ACBD5: variants seen among roughly 807,000 people sequenced by gnomAD.
ACBD5 encodes acyl-CoA-binding domain-containing protein 5.
In ACBD5, 40 loss-of-function variants were observed where a neutral mutation model predicts 71.8. The observed-to-expected ratio is 0.56, with a 90% CI of 0.43 to 0.72. ACBD5 has a LOEUF of 0.72. Ranked by LOEUF, ACBD5 falls within the 30% of genes least tolerant of loss-of-function variation. ACBD5 has a pLI of 0.00. For synonymous variants in ACBD5, 229 were observed against 218.6 expected (o/e 1.05, Z -0.42); for missense variants, 559 against 644.5 (o/e 0.87, Z 1.44).
intron 10 of ACBD5, among the ~76,000 whole-genome samples, 173 bp downstream of exon 10, chr10:27,208,073 C>A (rs1237459333): frequency 6.6e-6 from 1 of 152,104 alleles, no homozygotes; most frequent in Non-Finnish European, 1.5e-5. Context: ...TTATTTTAAG[C>A]AGTAATTAGT....
At chr10:27,235,318 CT>C in intron 2 of ACBD5, 106 bp from the exon 3 acceptor site, 1 of 1,324,912 alleles carries the variant, frequency 7.5e-7, no homozygotes, top group Non-Finnish European at 1.1e-6. Context: ...TGCATTAATA[CT>C]TTAGATAATG....
At chr10:27,228,219 CA>C (rs1409653282) in intron 4 of ACBD5, among the ~76,000 whole-genome samples, 1 of 140,130 alleles carries the variant, frequency 7.1e-6, no homozygotes, top group Non-Finnish European at 1.5e-5. Flanking sequence ...GCACATTATT[CA>C]AATGTTAGCT....
chr10:27,184,174 G>A (rs2058496445), intron 13 of ACBD5, among the ~76,000 whole-genome samples: 1 of 152,182 alleles, frequency 6.6e-6, no homozygotes, highest in Non-Finnish European at 1.5e-5. Context: ...AACAGTTACA[G>A]ACACAACATA....
At chr10:27,239,335 CTA>C (rs2065164711) in intron 2 of ACBD5, among the ~76,000 whole-genome samples, 1 of 152,296 alleles carries the variant, frequency 6.6e-6, no homozygotes, top group African/African-American at 2.4e-5. Flanking sequence ...TCACATTGGT[CTA>C]TGACATAAAA....
intron 5 of ACBD5, among the ~76,000 whole-genome samples, chr10:27,220,773 C>A (rs550552983): frequency 1.3e-5 from 2 of 152,194 alleles, no homozygotes; most frequent in South Asian, 2.1e-4. Flanking sequence ...GAGGACTCAT[C>A]ATTCCTGATT....
intron 3 of ACBD5, 146 bp downstream of exon 3, chr10:27,234,946 A>G (rs1589380834): frequency 1.2e-6 from 1 of 847,052 alleles, no homozygotes; most frequent in South Asian, 1.7e-5. Context: ...ACAAACAAAC[A>G]AAAAAGAAAA....
intron 11 of ACBD5, among the ~76,000 whole-genome samples, 163 bp from the exon 12 acceptor site, chr10:27,204,712 G>T (rs1181118240): frequency 6.6e-6 from 1 of 152,156 alleles, no homozygotes; most frequent in Non-Finnish European, 1.5e-5. Flanking sequence ...TATAATTCAG[G>T]AAACAGGCTT....
intron 2 of ACBD5, among the ~76,000 whole-genome samples, chr10:27,237,014 TA>T (rs2064804966): frequency 1.3e-5 from 2 of 152,062 alleles, no homozygotes; most frequent in African/African-American, 4.8e-5. Context: ...CTGTATAATA[TA>T]TGCACATTTA....
At chr10:27,228,069 C>T (rs997209817) in intron 4 of ACBD5, among the ~76,000 whole-genome samples, 1 of 151,970 alleles carries the variant, frequency 6.6e-6, no homozygotes, top group East Asian at 1.9e-4. Flanking sequence ...CAGTGATTAT[C>T]CCAATCTCTT....
intron 12 of ACBD5, among the ~76,000 whole-genome samples, chr10:27,200,083 G>C (rs907039560): frequency 1.3e-5 from 2 of 152,152 alleles, no homozygotes; most frequent in African/African-American, 4.8e-5. Flanking sequence ...TTGAATAGGA[G>C]CTGGGTAAAA....
intron 4 of ACBD5, among the ~76,000 whole-genome samples, chr10:27,227,965 A>G (rs2063300331): frequency 6.6e-6 from 1 of 151,866 alleles, no homozygotes; most frequent in Non-Finnish European, 1.5e-5. Flanking sequence ...CGCCTGTCTC[A>G]GCCTCCCAAA....
intron 2 of ACBD5, among the ~76,000 whole-genome samples, chr10:27,239,267 G>A (rs762847283): frequency 2.6e-5 from 4 of 152,274 alleles, no homozygotes; most frequent in Admixed American, 1.3e-4. Flanking sequence ...TGAAAAGTAC[G>A]TCTTGCTTCT....
chr10:27,238,618 T>C (rs1012605703), intron 2 of ACBD5, among the ~76,000 whole-genome samples: 5 of 152,172 alleles, frequency 3.3e-5, no homozygotes, highest in African/African-American at 7.2e-5. Context: ...AATAGAATGT[T>C]TGAAATTACA....
chr10:27,186,522 G>A, intron 13 of ACBD5: 1 of 1,613,972 alleles, frequency 6.2e-7, no homozygotes, highest in Non-Finnish European at 8.5e-7. Flanking sequence ...GACTGTATCT[G>A]GATTTAGTCT....
At chr10:27,223,622 G>A (rs1007991689) in intron 4 of ACBD5, among the ~76,000 whole-genome samples, 170 bp from the exon 5 acceptor site, 11 of 152,114 alleles carry the variant, frequency 7.2e-5, no homozygotes, top group African/African-American at 2.4e-4. Context: ...ACACACTGTG[G>A]CCGGGCTAAG....
intron 5 of ACBD5, among the ~76,000 whole-genome samples, chr10:27,222,459 C>T (rs533594878): frequency 6.6e-6 from 1 of 151,186 alleles, no homozygotes; most frequent in South Asian, 2.1e-4. Flanking sequence ...GATGCTTGAA[C>T]CAAAATAAAG....
chr10:27,193,855 A>G (rs1047843330), downstream of ACBD5, among the ~76,000 whole-genome samples: 2 of 152,216 alleles, frequency 1.3e-5, no homozygotes, highest in African/African-American at 4.8e-5. Context: ...TGGTCAAGCC[A>G]CCACAGCTGG....
intron 6 of ACBD5, among the ~76,000 whole-genome samples, chr10:27,219,483 T>G (rs1023378603): frequency 3.3e-5 from 5 of 152,166 alleles, no homozygotes; most frequent in African/African-American, 7.2e-5. Context: ...GGCCATCCAT[T>G]TGGAGGAGTG....
downstream of ACBD5, among the ~76,000 whole-genome samples, chr10:27,192,113 A>G (rs1055631918): frequency 1.3e-5 from 2 of 152,168 alleles, no homozygotes; most frequent in Non-Finnish European, 2.9e-5. Flanking sequence ...ATACCCAAGT[A>G]AATAAAATCA....
Sources: gnomAD v4.1 joint callset for allele counts (sites outside exome capture counted in the v4.1 genomes callset) on GRCh38, gnomAD v4.1.1 for gene constraint, MANE v1.5 for transcripts, NCBI Gene and HGNC (gene_info 2026-07-23, HGNC 2026-07-21) for gene names.